TMC7: variants seen among roughly 807,000 people sequenced by gnomAD.
TMC7 encodes the protein transmembrane channel like 7, also known as transmembrane channel-like protein 7.
Under a neutral mutation model 82.9 loss-of-function variants are expected in TMC7, and 54 were observed. The ratio of observed to expected loss-of-function variants is 0.65; its 90% CI spans 0.52 to 0.82. The LOEUF is 0.82. Ranked by LOEUF, TMC7 falls within the 40% of genes least tolerant of loss-of-function variation. The pLI, the probability that TMC7 is intolerant of heterozygous loss-of-function variation, is 0.00. For missense variants in TMC7, 820 were observed against 901.2 expected, an observed-to-expected ratio of 0.91 and a Z score of 1.15; for synonymous variants, 350 against 337.9, an observed-to-expected ratio of 1.04 and a Z score of -0.39.
chr16:19,012,065 G>A (rs1258615056), intron 2 of TMC7: 1 of 151,156 alleles, frequency 6.6e-6, no homozygotes, highest in Non-Finnish European at 1.5e-5. Context: ...AGGAGGTTGA[G>A]GCTGCAGCAA....
Position 19,030,209 on chromosome 16 carries a change from T to C in TMC7, c.712-15T>C, listed in dbSNP as rs374240709. 6.2e-5 allele frequency: 99 copies of C among 1,607,174 alleles called. No individual in the cohort carries two copies. Among genetic ancestry groups the C allele is most frequent in the Non-Finnish European group, 8.3e-5 (98 of 1,177,596 alleles). On this transcript the variant is annotated splice_polypyrimidine_tract_variant and intron_variant, in intron 5 of 15. Transcript: ENST00000304381. ...AGCTGACCAGTCTGACTTCATGCTC[T>C]TGGCTTCGTTTCAGGGTTTCCTGGA...
In TMC7 at chr16:19,063,848, CTT is replaced by C. The variant is rs1962111798; in HGVS notation, c.*2006_*2007del. 2 of 152,094 alleles carry C rather than the reference CTT, an allele frequency of 1.3e-5. No homozygotes were observed. Among genetic ancestry groups the C allele is most frequent in the Non-Finnish European group, 1.5e-5 (1 of 68,026 alleles). 9.4% of individuals were successfully genotyped at this position (152,094 alleles called of 1,614,324 possible). On this transcript the variant is annotated 3_prime_UTR_variant, in exon 16 of 16. Transcript: ENST00000304381. ...TAATATGTTTTGATAACTTTAATAA[CTT>C]CAGGTGATGTCTGTATAACTTTTAA... is the stretch of plus-strand genomic sequence containing the variant.
chr16:19,012,488 C>T (rs1051030505), intron 2 of TMC7, among the ~76,000 whole-genome samples: 11 of 151,892 alleles, frequency 7.2e-5, no homozygotes, highest in African/African-American at 2.7e-4. Context: ...CCAGTGAATC[C>T]CTAGAAAGTG....
At chr16:18,992,338 T>C (rs1331168045) in intron 1 of TMC7, among the ~76,000 whole-genome samples, 2 of 152,236 alleles carry the variant, frequency 1.3e-5, no homozygotes, top group East Asian at 3.8e-4. Flanking sequence ...TGCATTTCTC[T>C]GATGGCCAGT....
intron 5 of TMC7, 131 bp from the exon 6 acceptor site, chr16:19,030,093 C>A: frequency 1.2e-6 from 1 of 866,358 alleles, no homozygotes; most frequent in Non-Finnish European, 1.8e-6. Context: ...GCCTCTGGGG[C>A]TGTTCCAGTC....
chr16:18,992,997 G>C (rs2038978953), intron 1 of TMC7, among the ~76,000 whole-genome samples: 1 of 152,136 alleles, frequency 6.6e-6, no homozygotes, highest in South Asian at 2.1e-4. Flanking sequence ...TTTGGTTACT[G>C]TAGCCTTGTA....
chr16:19,029,195 C>T (rs530355423), intron 5 of TMC7, among the ~76,000 whole-genome samples: 21 of 149,162 alleles, frequency 1.4e-4, no homozygotes, highest in Admixed American at 3.4e-4. Flanking sequence ...TTAGTAGAGA[C>T]GGGGTTTCAC....
At chr16:18,985,723 G>A (rs1037358529) in intron 1 of TMC7, among the ~76,000 whole-genome samples, 12 of 114,956 alleles carry the variant, frequency 1.0e-4, no homozygotes, top group African/African-American at 4.0e-4. Context: ...TTTTGATCTT[G>A]TACCCACCAA....
At chr16:19,038,068 G>T in intron 8 of TMC7, 21 bp downstream of exon 8, 1 of 1,608,390 alleles carries the variant, frequency 6.2e-7, no homozygotes, top group Non-Finnish European at 8.5e-7. Flanking sequence ...TTGTACTCTG[G>T]CTGGACATTA....
chr16:18,992,880 T>C (rs1330328395), intron 1 of TMC7, among the ~76,000 whole-genome samples: 1 of 152,204 alleles, frequency 6.6e-6, no homozygotes, highest in Non-Finnish European at 1.5e-5. Flanking sequence ...CTTGTTATTG[T>C]TAGGTTTGTC....
intron 5 of TMC7, among the ~76,000 whole-genome samples, chr16:19,028,669 A>ATTATTC (rs1960347152): frequency 6.6e-6 from 1 of 151,638 alleles, no homozygotes; most frequent in Non-Finnish European, 1.5e-5. Context: ...TATTATTATT[A>ATTATTC]TTTTGAGACA....
Position 18,983,959 on chromosome 16 carries a change from C to T in TMC7, c.-105C>T. The T allele has an allele frequency of 8.0e-7, 1 of 1,242,662 alleles. No homozygotes were observed. The highest frequency in any genetic ancestry group is 1.0e-6 in the Non-Finnish European group (1 of 965,652). The allele number at this position is 1,242,662 out of a possible 1,614,324, so 77.0% of individuals were successfully genotyped here. On this transcript the variant is annotated 5_prime_UTR_variant, in exon 1 of 16. Coordinates refer to ENST00000304381, the MANE Select transcript of TMC7 (RefSeq NM_024847.4). ...ACTCCGGCTTCTGTGATGTCAGCGC[C>T]GGAACCTGGAATCCCGGCTCCGCGA...
chr16:18,995,365 T>C (rs1237758112), intron 1 of TMC7, among the ~76,000 whole-genome samples: 1 of 152,182 alleles, frequency 6.6e-6, no homozygotes, highest in African/African-American at 2.4e-5. Flanking sequence ...CCGGGAGGCT[T>C]CTGAGGTGAT....
chr16:19,046,993 T>G, intron 11 of TMC7, 70 bp from the exon 12 acceptor site: 3 of 1,353,350 alleles, frequency 2.2e-6, no homozygotes, highest in Non-Finnish European at 3.1e-6. Context: ...GAAATAGTCC[T>G]GATCTTTGTG....
intron 1 of TMC7, among the ~76,000 whole-genome samples, chr16:18,992,957 A>G (rs1283342518): frequency 6.6e-6 from 1 of 152,116 alleles, no homozygotes; most frequent in East Asian, 1.9e-4. Context: ...ATTGGTCTAT[A>G]TCTCTTTTTT....
chr16:19,023,115 A>T lies in TMC7; in HGVS notation c.631A>T (p.Lys211Ter). The T allele has an allele frequency of 6.3e-7, 1 of 1,595,966 alleles. No individual in the cohort carries two copies. Among genetic ancestry groups the T allele is most frequent in the Non-Finnish European group, 8.6e-7 (1 of 1,167,874 alleles). Residue 211 changes from lysine (K) to a stop codon, truncating the protein, a stop_gained and splice_region_variant, in exon 5 of 16, where the codon AAA becomes TAA. Transcript: ENST00000304381. LOFTEE classifies it high-confidence loss of function. ...FVLIPFKDMD[K>*]QCTVYPVSSS... is the part of the protein sequence containing the mutation. ...ATTCTGGTTTTTGTTTCTTACAGAT[A>T]AACAATGTACAGTCTATCCAGTAAG...
intron 9 of TMC7, among the ~76,000 whole-genome samples, chr16:19,043,837 G>T (rs1267438645): frequency 1.3e-5 from 2 of 152,102 alleles, no homozygotes; most frequent in African/African-American, 2.4e-5. Flanking sequence ...CTCCCAAAGT[G>T]CTGGGATTAC....
chr16:19,007,401 G>A (rs1435702439), intron 1 of TMC7, among the ~76,000 whole-genome samples: 3 of 152,174 alleles, frequency 2.0e-5, no homozygotes, highest in Admixed American at 1.3e-4. Flanking sequence ...ACCACGCAGA[G>A]GGCCAGGCCA....
intron 1 of TMC7, among the ~76,000 whole-genome samples, chr16:18,987,473 G>A (rs1330362606): frequency 6.6e-6 from 1 of 152,014 alleles, no homozygotes; most frequent in Non-Finnish European, 1.5e-5. Flanking sequence ...ACCATGCCCA[G>A]CTGATTTTTG....
Sources: allele counts gnomAD v4.1 joint callset (sites outside exome capture counted in the v4.1 genomes callset), GRCh38; gene constraint gnomAD v4.1.1; transcripts MANE v1.5; gene names NCBI Gene and HGNC (gene_info 2026-07-23, HGNC 2026-07-21).